ALG1L2: variants seen among roughly 807,000 people sequenced by gnomAD.
ALG1L2 encodes the protein ALG1 chitobiosyldiphosphodolichol beta-mannosyltransferase like 2.
Under a neutral mutation model 29.0 loss-of-function variants are expected in ALG1L2, and 32 were observed. That is an observed-to-expected ratio of 1.10 (90% confidence interval 0.83 to 1.48). The LOEUF (loss-of-function observed/expected upper bound fraction) is 1.48, where lower values mean the gene tolerates loss of function less well. Ranked by LOEUF, ALG1L2 falls within the 40% of genes most tolerant of loss-of-function variation. The pLI is 0.00. For missense variants in ALG1L2, 318 were observed against 274.1 expected (o/e 1.16, Z -1.13); for synonymous variants, 110 against 109.5 (o/e 1.00, Z -0.03).
chr3:130,087,168 C>T (rs1327840960), intron 1 of ALG1L2, among the ~76,000 whole-genome samples: 3 of 149,660 alleles, frequency 2.0e-5, no homozygotes, highest in East Asian at 1.9e-4. Flanking sequence ...TCAACATTCA[C>T]TTTGGTGTAA....
intron 2 of ALG1L2, among the ~76,000 whole-genome samples, chr3:130,091,610 T>A (rs1935015755): frequency 6.6e-6 from 1 of 152,214 alleles, no homozygotes. Flanking sequence ...AGAGAACCTG[T>A]GGCCCACAAA....
At position 130,094,531 on chromosome 3, in the gene ALG1L2, G is replaced by A. The variant is rs763163289; in HGVS notation, c.424+18G>A. 1.9e-6 allele frequency: 3 copies of A among 1,587,046 alleles called. No homozygotes were observed. Among genetic ancestry groups the A allele is most frequent in the African/African-American group, 2.7e-5 (2 of 74,728 alleles). Reference sequence around the variant, plus strand: ...GCTTCTAGGTGAGAGGCCAGCAGGAGGCTCAGGGAGGAGGCGGGGCCTTAT... The same window carrying A: ...GCTTCTAGGTGAGAGGCCAGCAGGAAGCTCAGGGAGGAGGCGGGGCCTTAT... On this transcript the variant is annotated intron_variant, in intron 5 of 7. Coordinates refer to ENST00000425059, the MANE Select transcript of ALG1L2 (RefSeq NM_001136152.1).
At chr3:130,097,439 A>G (rs184308189) in intron 7 of ALG1L2, among the ~76,000 whole-genome samples, 189 bp downstream of exon 7, 594 of 152,276 alleles carry the variant, frequency 3.9e-3, no homozygotes, top group African/African-American at 0.013. Context: ...TAGGCTCGGT[A>G]AAGTTAGGAC....
Position 130,096,172 on chromosome 3 carries a change from A to G in ALG1L2, c.539+9A>G, listed in dbSNP as rs1480192650. The G allele has an allele frequency of 6.2e-7, 1 of 1,611,454 alleles. No homozygotes were observed. Among genetic ancestry groups the G allele is most frequent in the African/African-American group, 1.3e-5 (1 of 74,860 alleles). ...GCCGTGAACTTCAAGTGGTAGGAGCAGAACCCGAATTTTTTCTGGGGATAG... is the reference window on the plus strand; with the variant it reads ...GCCGTGAACTTCAAGTGGTAGGAGCGGAACCCGAATTTTTTCTGGGGATAG... On this transcript the variant is annotated intron_variant, in intron 6 of 7. Coordinates refer to ENST00000425059, the MANE Select transcript of ALG1L2 (RefSeq NM_001136152.1).
intron 1 of ALG1L2, among the ~76,000 whole-genome samples, chr3:130,083,544 C>T (rs561387802): frequency 1.5e-5 from 2 of 131,136 alleles, no homozygotes; most frequent in Admixed American, 8.0e-5. Flanking sequence ...ATACAAAGTA[C>T]AAATTACGTC....
chr3:130,085,835 T>G (rs1934877923), intron 1 of ALG1L2, among the ~76,000 whole-genome samples: 1 of 149,622 alleles, frequency 6.7e-6, no homozygotes, highest in Admixed American at 6.7e-5. Context: ...CTAAATTTGC[T>G]GTGGCCACAA....
At chr3:130,096,222 G>A (rs1309395880) in intron 6 of ALG1L2, 59 bp downstream of exon 6, 6 of 1,579,934 alleles carry the variant, frequency 3.8e-6, no homozygotes, top group Non-Finnish European at 5.2e-6. Flanking sequence ...CGCTGAGGGG[G>A]AAGCAGTGCA....
chr3:130,085,205 T>C (rs1196055951), intron 1 of ALG1L2, among the ~76,000 whole-genome samples: 1 of 139,276 alleles, frequency 7.2e-6, no homozygotes, highest in Non-Finnish European at 1.6e-5. Flanking sequence ...AGTGATCCAC[T>C]CGCCTCGGCC....
At chr3:130,095,599 G>C (rs1935112922) in intron 5 of ALG1L2, among the ~76,000 whole-genome samples, 1 of 150,270 alleles carries the variant, frequency 6.7e-6, no homozygotes, top group Non-Finnish European at 1.5e-5. Context: ...ATGACGCTTC[G>C]CTAATTTTAC....
At position 130,091,303 on chromosome 3, in the gene ALG1L2, G is replaced by A. The variant is rs749919264; in HGVS notation, c.63G>A (p.Glu21=). The part of the protein sequence containing the change: ...VYDKPASFFK[E]APLDLQHRLF... ...ACAAGCCGGCATCTTTCTTTAAAGAGGCACCTCTGGACCTGCAGCACCGGC... is the reference window on the plus strand; with the variant it reads ...ACAAGCCGGCATCTTTCTTTAAAGAAGCACCTCTGGACCTGCAGCACCGGC... Residue 21 remains glutamate, a synonymous_variant, in exon 2 of 8, where the codon GAG becomes GAA. Transcript: ENST00000425059. The A allele has an allele frequency of 1.3e-6, 2 of 1,599,112 alleles. No homozygotes were observed. Among genetic ancestry groups the A allele is most frequent in the Non-Finnish European group, 1.7e-6 (2 of 1,179,760 alleles).
At chr3:130,086,871 C>T (rs1342653863) in intron 1 of ALG1L2, among the ~76,000 whole-genome samples, 7 of 151,520 alleles carry the variant, frequency 4.6e-5, no homozygotes, top group Admixed American at 2.6e-4. Flanking sequence ...TCTGGCTAAC[C>T]CCAAACCCCT....
chr3:130,087,464 C>T (rs1028129928), intron 1 of ALG1L2, among the ~76,000 whole-genome samples: 1 of 146,502 alleles, frequency 6.8e-6, no homozygotes, highest in African/African-American at 2.4e-5. Flanking sequence ...CTCCAATGTA[C>T]ATCATTGGGT....
At position 130,091,926 on chromosome 3, in the gene ALG1L2, C is replaced by A. The variant is rs544881695; in HGVS notation, c.132-175C>A. 4.5e-5 allele frequency: 46 copies of A among 1,021,188 alleles called. No individual in the cohort carries two copies. The African/African-American group carries it at 7.2e-4, about 16-fold the overall frequency. The allele number at this position is 1,021,188 out of a possible 1,614,324, so 63.3% of individuals were successfully genotyped here. On this transcript the variant is annotated intron_variant, in intron 2 of 7. Coordinates refer to ENST00000425059, the MANE Select transcript of ALG1L2 (RefSeq NM_001136152.1). Reference sequence around the variant, plus strand: ...CTGTTGTAACCTTAGCACCCAGCAACAATATTAGAGAAAGCAAGCCCAGGC... The same window carrying A: ...CTGTTGTAACCTTAGCACCCAGCAAAAATATTAGAGAAAGCAAGCCCAGGC...
intron 3 of ALG1L2, among the ~76,000 whole-genome samples, chr3:130,092,482 C>T (rs185158265): frequency 5.8e-4 from 88 of 152,300 alleles, no homozygotes; most frequent in African/African-American, 2.0e-3. Context: ...CTGGGCTCGT[C>T]GGGGCCACTG....
chr3:130,097,976 C>T (rs9682985), intron 7 of ALG1L2, among the ~76,000 whole-genome samples: 2,149 of 152,290 alleles, frequency 0.014, 43 homozygotes, highest in African/African-American at 0.048. Context: ...CACAGGGGAA[C>T]GTACATCATG....
At chr3:130,092,953 C>A in intron 3 of ALG1L2, 148 bp from the exon 4 acceptor site, 1 of 761,042 alleles carries the variant, frequency 1.3e-6, no homozygotes, top group Non-Finnish European at 2.0e-6. Flanking sequence ...TTACTTGAAC[C>A]TGGGAGGCAG....
intron 2 of ALG1L2, 80 bp from the exon 3 acceptor site, chr3:130,092,021 C>A (rs1935026350): frequency 6.3e-7 from 1 of 1,582,152 alleles, no homozygotes; most frequent in South Asian, 1.1e-5. Context: ...GCCTGCAGGC[C>A]TCACCATGGC....
At chr3:130,093,230 C>G (rs536790925) in intron 4 of ALG1L2, 70 bp downstream of exon 4, 18 of 1,522,594 alleles carry the variant, frequency 1.2e-5, no homozygotes, top group Admixed American at 1.7e-5. Context: ...ACAGCCTTTA[C>G]CCTGTGCTTC....
At position 130,094,459 on chromosome 3, in the gene ALG1L2, C is replaced by A. The variant is rs768140590; in HGVS notation, c.370C>A (p.His124Asn). 3.1e-6 allele frequency: 5 copies of A among 1,596,224 alleles called. No homozygotes were observed. Among genetic ancestry groups the A allele is most frequent in the Non-Finnish European group, 4.2e-6 (5 of 1,179,648 alleles). Residue 124 changes from histidine to asparagine, a missense_variant, in exon 5 of 8, where the codon CAC (histidine) becomes AAC (asparagine). Physicochemically the swap from His to Asn is moderately conservative, Grantham distance 68. Coordinates refer to ENST00000425059, the MANE Select transcript of ALG1L2 (RefSeq NM_001136152.1). ...SRLIHQKHFQHIQVCIPWLEG... is the reference protein window; with the variant it reads ...SRLIHQKHFQNIQVCIPWLEG... ...CCTCATCCACCAGAAGCATTTCCAG[C>A]ACATCCAGGTCTGCATCCCCTGGCT...
Sources: gnomAD v4.1 joint callset for allele counts (sites outside exome capture counted in the v4.1 genomes callset) on GRCh38, gnomAD v4.1.1 for gene constraint, MANE v1.5 for transcripts, NCBI Gene and HGNC (gene_info 2026-07-23, HGNC 2026-07-21) for gene names.